Variants in PPP1R42 observed in about 807,000 individuals in gnomAD.
PPP1R42 encodes the protein protein phosphatase 1 regulatory subunit 42.
PPP1R42 carries 34 observed loss-of-function variants against 31.0 expected under a neutral mutation model. The observed-to-expected ratio is 1.10, with a 90% CI of 0.83 to 1.46. The LOEUF is 1.46. Ranked by LOEUF, PPP1R42 falls within the 40% of genes most tolerant of loss-of-function variation. PPP1R42 has a pLI of 0.00. For missense variants in PPP1R42, 268 were observed against 303.0 expected (o/e 0.88, Z 0.86); for synonymous variants, 103 against 109.8 (o/e 0.94, Z 0.39).
chr8:66,974,384 A>G (rs1239299773), intron 7 of PPP1R42, among the ~76,000 whole-genome samples: 2 of 152,086 alleles, frequency 1.3e-5, no homozygotes, highest in Non-Finnish European at 2.9e-5. Flanking sequence ...GTGAAACCGC[A>G]TCTCTACTGA....
intron 7 of PPP1R42, among the ~76,000 whole-genome samples, chr8:66,976,097 TC>T (rs1814664032): frequency 6.6e-6 from 1 of 152,140 alleles, no homozygotes; most frequent in African/African-American, 2.4e-5. Context: ...TCCTATCAGA[TC>T]TGCTACAGCA....
At chr8:67,011,061 A>G (rs1815830242) in intron 4 of PPP1R42, among the ~76,000 whole-genome samples, 2 of 152,234 alleles carry the variant, frequency 1.3e-5, no homozygotes, top group South Asian at 2.1e-4. Context: ...TAATTCCTCC[A>G]TAAGTCATAT....
At chr8:67,028,377 C>G in intron 1 of PPP1R42, 114 bp downstream of exon 1, 1 of 464,094 alleles carries the variant, frequency 2.2e-6, no homozygotes. Context: ...AAGATAGGGC[C>G]CAAGGATCTG....
At chr8:66,989,980 G>A (rs1815140164) in intron 5 of PPP1R42, among the ~76,000 whole-genome samples, 1 of 152,168 alleles carries the variant, frequency 6.6e-6, no homozygotes, top group South Asian at 2.1e-4. Flanking sequence ...TGTCAACAGA[G>A]AGCGAAAACA....
intron 6 of PPP1R42, chr8:66,986,076 T>C: frequency 1.4e-6 from 1 of 735,854 alleles, no homozygotes; most frequent in Non-Finnish European, 2.6e-6. Context: ...AGGTTTCAGA[T>C]GATCGGCTGC....
intron 6 of PPP1R42, chr8:66,985,755 T>C: frequency 2.4e-6 from 3 of 1,253,860 alleles, no homozygotes; most frequent in Non-Finnish European, 3.5e-6. Flanking sequence ...AGCACAGCTG[T>C]TTTTTCCTCT....
intron 1 of PPP1R42, among the ~76,000 whole-genome samples, chr8:67,025,940 G>T (rs1212379788): frequency 6.6e-6 from 1 of 151,562 alleles, no homozygotes; most frequent in East Asian, 1.9e-4. Context: ...GGGAGGCAGA[G>T]GTGGCAGTGA....
At chr8:66,997,999 C>G (rs1815382032) in intron 5 of PPP1R42, among the ~76,000 whole-genome samples, 1 of 152,070 alleles carries the variant, frequency 6.6e-6, no homozygotes, top group Non-Finnish European at 1.5e-5. Flanking sequence ...TTTAAGAATA[C>G]AGAGCCTTCA....
At chr8:66,993,493 CA>C (rs1183389377) in intron 5 of PPP1R42, among the ~76,000 whole-genome samples, 3 of 152,190 alleles carry the variant, frequency 2.0e-5, no homozygotes, top group Non-Finnish European at 4.4e-5. Flanking sequence ...TGCCATGCTC[CA>C]ACCTGCCCCA....
At chr8:66,972,534 C>T (rs369720775) in intron 7 of PPP1R42, among the ~76,000 whole-genome samples, 5 of 151,940 alleles carry the variant, frequency 3.3e-5, no homozygotes, top group Admixed American at 6.6e-5. Flanking sequence ...GGATTATAGG[C>T]GCCTGCCACC....
intron 2 of PPP1R42, among the ~76,000 whole-genome samples, chr8:67,015,309 G>A (rs184369201): frequency 2.2e-4 from 33 of 152,190 alleles, no homozygotes; most frequent in Middle Eastern, 3.4e-3. Flanking sequence ...GAGCCACCGC[G>A]CCCAGCCTCA....
At chr8:67,013,805 G>T (rs998464533) in intron 3 of PPP1R42, among the ~76,000 whole-genome samples, 1 of 152,172 alleles carries the variant, frequency 6.6e-6, no homozygotes, top group Admixed American at 6.5e-5. Context: ...GGAACCCAGT[G>T]CTCTGCATTT....
Position 67,013,058 on chromosome 8 carries a change from A to G in PPP1R42, c.335T>C (p.Leu112Ser). The change falls in exon 4 of 8, where the codon TTA (leucine) becomes TCA (serine). Residue 112 changes from leucine to serine, a missense_variant. Physicochemically the swap from Leu to Ser is moderately radical, Grantham distance 145. Coordinates refer to ENST00000685739, the MANE Select transcript of PPP1R42 (RefSeq NM_001364910.1). ...CTCTCTTAGTTCTCCTAATCCTTCT[A>G]AACCTTCTATGACAGCAATGTAATT... ...GGNYIAVIEG[L>S]EGLGELRELH... The G allele has an allele frequency of 6.2e-7, 1 of 1,610,976 alleles. No individual in the cohort carries two copies.
At position 67,010,699 on chromosome 8, in the gene PPP1R42, T is replaced by C. The variant is rs766556693; in HGVS notation, c.552+16A>G. On this transcript the variant is annotated intron_variant, in intron 5 of 7. Coordinates refer to ENST00000685739, the MANE Select transcript of PPP1R42 (RefSeq NM_001364910.1). ...TTCATGTAAATATCTTAAAAATTAA[T>C]TTCTCTTTACACTACCTTCACATGC... The C allele has an allele frequency of 6.0e-6, 9 of 1,489,770 alleles. 1 individual carries two copies. The South Asian group carries it at 1.1e-4, about 18-fold the overall frequency. The allele number at this position is 1,489,770 out of a possible 1,614,324, so 92.3% of individuals were successfully genotyped here.
At chr8:67,007,059 G>A (rs1207160539) in intron 5 of PPP1R42, among the ~76,000 whole-genome samples, 3 of 146,888 alleles carry the variant, frequency 2.0e-5, no homozygotes, top group African/African-American at 5.0e-5. Flanking sequence ...TTTTTTTTTA[G>A]TAGAGACAGA....
chr8:67,008,978 G>A (rs112609858), intron 5 of PPP1R42, among the ~76,000 whole-genome samples: 5,300 of 152,144 alleles, frequency 0.035, 190 homozygotes, highest in African/African-American at 0.079. Context: ...TAAAAGTAAT[G>A]GCCGTTACCA....
At chr8:67,005,598 T>C (rs1815649733) in intron 5 of PPP1R42, among the ~76,000 whole-genome samples, 1 of 152,228 alleles carries the variant, frequency 6.6e-6, no homozygotes, top group Admixed American at 6.5e-5. Context: ...TACCAGTGTC[T>C]TCCTGGTTCC....
intron 7 of PPP1R42, among the ~76,000 whole-genome samples, chr8:66,970,271 T>C (rs1426083385): frequency 2.0e-5 from 3 of 151,906 alleles, no homozygotes; most frequent in Non-Finnish European, 4.4e-5. Flanking sequence ...GCTGGGACTA[T>C]AGGCACGCAC....
At chr8:66,992,987 T>G (rs1235428411) in intron 5 of PPP1R42, among the ~76,000 whole-genome samples, 1 of 152,202 alleles carries the variant, frequency 6.6e-6, no homozygotes, top group East Asian at 1.9e-4. Flanking sequence ...TGTCCAATTA[T>G]GTACTTGACA....
Sources: allele counts gnomAD v4.1 joint callset (sites outside exome capture counted in the v4.1 genomes callset), GRCh38; gene constraint gnomAD v4.1.1; transcripts MANE v1.5; gene names NCBI Gene and HGNC (gene_info 2026-07-23, HGNC 2026-07-21).